RANBP17: variants seen among roughly 807,000 people sequenced by gnomAD.
RANBP17 encodes the protein RAN binding protein 17, also known as ran-binding protein 17.
Under a neutral mutation model 141.2 loss-of-function variants are expected in RANBP17, and 158 were observed. That is an observed-to-expected ratio of 1.12 (90% CI 0.98 to 1.28). The LOEUF (loss-of-function observed/expected upper bound fraction) is 1.28, where lower values mean the gene tolerates loss of function less well. RANBP17 is among the 50% of genes most tolerant of loss of function. The pLI, the probability that RANBP17 is intolerant of heterozygous loss-of-function variation, is 0.00. For synonymous variants in RANBP17, 430 were observed against 450.0 expected (o/e 0.96, Z 0.56); for missense variants, 1,438 against 1,290.7 (o/e 1.11, Z -1.75).
intron 3 of RANBP17, among the ~76,000 whole-genome samples, chr5:170,883,748 A>G (rs1173059724): frequency 6.6e-6 from 1 of 152,112 alleles, no homozygotes; most frequent in African/African-American, 2.4e-5. Context: ...AGTAATATGC[A>G]TTTAAGGTTC....
chr5:171,197,918 A>G (rs1368559647), intron 18 of RANBP17, among the ~76,000 whole-genome samples: 1 of 152,176 alleles, frequency 6.6e-6, no homozygotes, highest in Non-Finnish European at 1.5e-5. Flanking sequence ...AGGCGCCTGT[A>G]GTCCTAGCAA....
intron 14 of RANBP17, among the ~76,000 whole-genome samples, chr5:171,062,766 T>G (rs865844322): frequency 3.3e-5 from 5 of 151,316 alleles, no homozygotes; most frequent in South Asian, 2.1e-4. Context: ...TTCCAACTTG[T>G]TTCCATTCTC....
intron 9 of RANBP17, among the ~76,000 whole-genome samples, 178 bp downstream of exon 9, chr5:170,916,762 C>T (rs1035729818): frequency 6.1e-5 from 9 of 147,620 alleles, no homozygotes; most frequent in African/African-American, 2.3e-4. Flanking sequence ...GTTGCCCAGG[C>T]TGGAGTGCAG....
At chr5:170,952,552 CA>C (rs1209272015) in intron 12 of RANBP17, among the ~76,000 whole-genome samples, 2 of 151,960 alleles carry the variant, frequency 1.3e-5, no homozygotes, top group Non-Finnish European at 2.9e-5. Context: ...CATGGGAGAA[CA>C]GAAAGAATTT....
chr5:171,035,082 T>C (rs1331708565), intron 14 of RANBP17, among the ~76,000 whole-genome samples: 1 of 144,336 alleles, frequency 6.9e-6, no homozygotes, highest in Non-Finnish European at 1.5e-5. Context: ...AATGAAATTA[T>C]AAGTATAAGA....
intron 14 of RANBP17, among the ~76,000 whole-genome samples, chr5:171,089,847 C>T (rs979174585): frequency 7.9e-5 from 12 of 152,222 alleles, no homozygotes; most frequent in Middle Eastern, 3.2e-3. Flanking sequence ...CACTGGCCTG[C>T]GCCCACTGTC....
At chr5:171,057,179 T>C (rs1783450394) in intron 14 of RANBP17, among the ~76,000 whole-genome samples, 1 of 152,158 alleles carries the variant, frequency 6.6e-6, no homozygotes, top group Admixed American at 6.6e-5. Flanking sequence ...TAATGTTCAA[T>C]TTATGGAAAA....
At chr5:170,967,986 TATAC>T (rs1211062914) in intron 13 of RANBP17, among the ~76,000 whole-genome samples, 4 of 151,878 alleles carry the variant, frequency 2.6e-5, no homozygotes, top group Non-Finnish European at 4.4e-5. Context: ...AATATCTGTA[TATAC>T]ATACAGAGTT....
intron 14 of RANBP17, among the ~76,000 whole-genome samples, chr5:171,169,512 A>G (rs892917825): frequency 1.4e-4 from 21 of 152,246 alleles, no homozygotes; most frequent in African/African-American, 5.1e-4. Flanking sequence ...CCCTAATTGG[A>G]AGCTTAGTGG....
At chr5:170,895,963 T>G (rs1394147293) in intron 4 of RANBP17, 87 bp from the exon 5 acceptor site, 1 of 633,276 alleles carries the variant, frequency 1.6e-6, no homozygotes, top group Admixed American at 3.1e-5. Context: ...TTTCAGTCTT[T>G]AATTGTTTGT....
intron 13 of RANBP17, among the ~76,000 whole-genome samples, chr5:170,954,215 C>T (rs1775426669): frequency 6.6e-6 from 1 of 151,978 alleles, no homozygotes; most frequent in African/African-American, 2.4e-5. Flanking sequence ...AATAACAAAT[C>T]TCCTTATAAC....
rs1303396926 is a variant in RANBP17, at chr5:171,104,042, T to C, written c.1711-66088T>C. 5.9e-5 allele frequency among the ~76,000 whole-genome samples: 9 copies of C among 152,192 alleles called. No individual in the cohort carries two copies. In the East Asian group the frequency reaches 1.7e-3, roughly 29 times the overall value. ...TGGGAGCTTTTTGTTTGTTTGTTTG[T>C]TGTGTTCTTAATGAGTTGGAGTTTT... is the stretch of plus-strand genomic sequence containing the variant. On this transcript the variant is annotated intron_variant, in intron 14 of 27. Transcript: ENST00000523189.
chr5:170,897,531 G>A (rs1160643006), intron 5 of RANBP17, among the ~76,000 whole-genome samples: 1 of 151,920 alleles, frequency 6.6e-6, no homozygotes, highest in Non-Finnish European at 1.5e-5. Flanking sequence ...ATCTACATTA[G>A]GTATTTCCCC....
rs1771369371 is a variant in RANBP17, at chr5:170,909,658, T to TAAA, written c.490-2_490-1insAAA. The TAAA allele has an allele frequency of 1.4e-6, 2 of 1,451,614 alleles. No individual in the cohort carries two copies. The highest frequency in any genetic ancestry group is 2.3e-5 in the East Asian group (1 of 43,300). The allele number at this position is 1,451,614 out of a possible 1,614,324, so 89.9% of individuals were successfully genotyped here. On this transcript the variant is annotated splice_region_variant and splice_polypyrimidine_tract_variant and intron_variant, in intron 5 of 27. Transcript: ENST00000523189. Reference sequence around the variant, plus strand: ...TAAACTAATTTCATCTTTATCTTTTTAGGTTGATTATTCTAGACCTTCAGC... The same window carrying TAAA: ...TAAACTAATTTCATCTTTATCTTTTTAAAAGGTTGATTATTCTAGACCTTCAGC...
intron 24 of RANBP17, chr5:171,252,613 C>T (rs1765644447): frequency 3.7e-6 from 5 of 1,359,036 alleles, no homozygotes; most frequent in Non-Finnish European, 4.2e-6. Flanking sequence ...TAAGGATCAA[C>T]TTCATCGATT....
chr5:171,059,218 T>G (rs1375108057), intron 14 of RANBP17, among the ~76,000 whole-genome samples: 1 of 152,106 alleles, frequency 6.6e-6, no homozygotes, highest in African/African-American at 2.4e-5. Flanking sequence ...TTTTGGTGTT[T>G]TAGACATGAA....
At chr5:171,195,303 G>A (rs1389322456) in intron 18 of RANBP17, among the ~76,000 whole-genome samples, 3 of 152,146 alleles carry the variant, frequency 2.0e-5, no homozygotes, top group Non-Finnish European at 4.4e-5. Context: ...GTAAGAAAGT[G>A]AGCTCATGTT....
chr5:171,060,141 T>C (rs572913123), intron 14 of RANBP17, among the ~76,000 whole-genome samples: 1 of 87,102 alleles, frequency 1.1e-5, no homozygotes, highest in Admixed American at 1.4e-4. Context: ...CTTTTCCTAA[T>C]TGAATACCCT....
chr5:171,063,078 T>G (rs1280409124), intron 14 of RANBP17, among the ~76,000 whole-genome samples: 2 of 152,090 alleles, frequency 1.3e-5, no homozygotes, highest in African/African-American at 2.4e-5. Flanking sequence ...TTTTTCAAAG[T>G]TTTTAACTTC....
Sources: gnomAD v4.1 joint callset for allele counts (sites outside exome capture counted in the v4.1 genomes callset) on GRCh38, gnomAD v4.1.1 for gene constraint, MANE v1.5 for transcripts, NCBI Gene and HGNC (gene_info 2026-07-23, HGNC 2026-07-21) for gene names.